ABLIM2: variants seen among roughly 807,000 people sequenced by gnomAD.
ABLIM2 encodes the protein actin-binding LIM protein 2.
Under a neutral mutation model 97.7 loss-of-function variants are expected in ABLIM2, and 53 were observed. The ratio of observed to expected loss-of-function variants is 0.54; its 90% CI spans 0.44 to 0.68. ABLIM2 has a LOEUF of 0.68. ABLIM2 is among the 30% of genes least tolerant of loss of function. The pLI is 0.00. For synonymous variants in ABLIM2, 361 were observed against 345.8 expected (o/e 1.04, Z -0.49); for missense variants, 835 against 867.2 (o/e 0.96, Z 0.47).
At chr4:8,051,056 T>C (rs1795683151) in intron 8 of ABLIM2, among the ~76,000 whole-genome samples, 1 of 152,216 alleles carries the variant, frequency 6.6e-6, no homozygotes, top group Non-Finnish European at 1.5e-5. Context: ...CGGGCTGGCA[T>C]CAGTGGGGAC....
At position 8,083,320 on chromosome 4, in the gene ABLIM2, T is replaced by C. The variant is rs1044368010; in HGVS notation, c.455-2518A>G. On this transcript the variant is annotated intron_variant, in intron 4 of 20. Coordinates refer to ENST00000447017, the MANE Select transcript of ABLIM2 (RefSeq NM_001130083.2). This position sits in a 1 kb window ranked among gnomAD's most constrained non-coding sequence, Gnocchi z 4.6. ...CTGGAATGAGGGCACGTGTGATCCG[T>C]GAATAAATGCACACACGTTGACCGG... Among the ~76,000 whole-genome samples, 10 of 152,246 alleles carry C rather than the reference T, an allele frequency of 6.6e-5. No homozygotes were observed. Among genetic ancestry groups the C allele is most frequent in the African/African-American group, 1.9e-4 (8 of 41,542 alleles).
At chr4:8,047,616 A>C (rs2151828147) in intron 8 of ABLIM2, among the ~76,000 whole-genome samples, 1 of 152,376 alleles carries the variant, frequency 6.6e-6, no homozygotes, top group South Asian at 2.1e-4. Flanking sequence ...TATGTGACAT[A>C]GGATCTGCTG....
At chr4:8,093,381 G>A (rs1829887589) in intron 3 of ABLIM2, among the ~76,000 whole-genome samples, 1 of 152,108 alleles carries the variant, frequency 6.6e-6, no homozygotes, top group Non-Finnish European at 1.5e-5. Flanking sequence ...AGTTTATTTT[G>A]GTGCAGATTG....
chr4:8,064,790 C>A (rs1219872110), intron 6 of ABLIM2, among the ~76,000 whole-genome samples: 2 of 152,142 alleles, frequency 1.3e-5, no homozygotes, highest in Admixed American at 1.3e-4. Context: ...GGGCACCAGA[C>A]CTGTTCTCTT....
intron 17 of ABLIM2, among the ~76,000 whole-genome samples, chr4:7,987,833 G>A (rs1385533191): frequency 6.6e-6 from 1 of 152,108 alleles, no homozygotes; most frequent in Non-Finnish European, 1.5e-5. Flanking sequence ...GGTGTGCAAG[G>A]CCTCTAAGGT....
rs554288681 is a variant in ABLIM2, at chr4:8,065,391, A to G, written c.676-4337T>C. ...AAATTGCAAATCAAAACCATAGGAG[A>G]CACCACTTCATACCCATGAGGGTAG... On this transcript the variant is annotated intron_variant, in intron 6 of 20. Coordinates refer to ENST00000447017, the MANE Select transcript of ABLIM2 (RefSeq NM_001130083.2). 5.3e-5 allele frequency among the ~76,000 whole-genome samples: 8 copies of G among 152,342 alleles called. No homozygotes were observed. In the East Asian group the frequency reaches 1.4e-3, roughly 26 times the overall value.
At chr4:7,972,033 A>G (rs1219083153) in intron 20 of ABLIM2, among the ~76,000 whole-genome samples, 1 of 152,128 alleles carries the variant, frequency 6.6e-6, no homozygotes. Flanking sequence ...AGTCTTGCTT[A>G]AGCCGGGCCC....
At chr4:8,106,399 C>T (rs1158056967) in intron 2 of ABLIM2, 95 bp downstream of exon 2, 20 of 1,514,120 alleles carry the variant, frequency 1.3e-5, no homozygotes, top group Admixed American at 6.0e-5. Flanking sequence ...TATCCCAGGC[C>T]CAGGCAGAGC....
rs1287125331 is a variant in ABLIM2 at position 8,122,237 on chromosome 4, A to G, written c.11-15600T>C. Among the ~76,000 whole-genome samples, 2 of 152,072 alleles carry G rather than the reference A, an allele frequency of 1.3e-5. No homozygotes were observed. The highest frequency in any genetic ancestry group is 4.2e-4 in the South Asian group (2 of 4,812). ...GTCTCGCTGCCCCCTGTGCATCTCC[A>G]TCATATCCGAATGGCCTGGTAAGGA... On this transcript the variant is annotated intron_variant, in intron 1 of 20. Transcript: ENST00000447017. This position sits in a 1 kb window ranked among gnomAD's most constrained non-coding sequence, Gnocchi z 4.1.
At position 8,127,068 on chromosome 4, in the gene ABLIM2, GA is replaced by G. The variant is rs534244270; in HGVS notation, c.11-20432del. Reference sequence around the variant, plus strand: ...GTGACAGAGTGAGTCCCTGCCTCCAGAAAAAAAAAAAAAAAATGCCTGCAGA... The same window carrying G: ...GTGACAGAGTGAGTCCCTGCCTCCAGAAAAAAAAAAAAAAATGCCTGCAGA... On this transcript the variant is annotated intron_variant, in intron 1 of 20. Transcript: ENST00000447017. The surrounding 1 kb of genome is among the most constrained non-coding windows in gnomAD (Gnocchi z 7.3). 0.24 allele frequency among the ~76,000 whole-genome samples: 27,359 copies of G among 115,944 alleles called. 2,605 individuals are homozygous for G. The highest frequency in any genetic ancestry group is 0.27 in the African/African-American group (8,769 of 32,550). 76.1% of individuals were successfully genotyped at this position (115,944 alleles called of 152,430 possible).
intron 1 of ABLIM2, among the ~76,000 whole-genome samples, chr4:8,115,900 G>C (rs973254279): frequency 1.3e-5 from 2 of 152,120 alleles, no homozygotes; most frequent in African/African-American, 2.4e-5. Flanking sequence ...GGAACCCGGC[G>C]GCCATGCTGG....
intron 2 of ABLIM2, among the ~76,000 whole-genome samples, chr4:8,099,308 G>A (rs144077151): frequency 6.6e-6 from 1 of 152,336 alleles, no homozygotes; most frequent in Non-Finnish European, 1.5e-5. Flanking sequence ...TGGTGACTGG[G>A]CTCACAGCAC....
chr4:8,022,900 T>TCTCCTCTTCTTCCTC lies in ABLIM2; in HGVS notation c.1268-2612_1268-2598dup, dbSNP rs1774750376. 6.5e-6 allele frequency: 1 copy of TCTCCTCTTCTTCCTC among 153,150 alleles called. No individual in the cohort carries two copies. The highest frequency in any genetic ancestry group is 6.6e-5 in the Admixed American group (1 of 15,258). The allele number at this position is 153,150 out of a possible 1,614,324, so 9.5% of individuals were successfully genotyped here. On this transcript the variant is annotated intron_variant, in intron 12 of 20. Coordinates refer to ENST00000447017, the MANE Select transcript of ABLIM2 (RefSeq NM_001130083.2). The surrounding 1 kb of genome is among the most constrained non-coding windows in gnomAD (Gnocchi z 7.8). ...TTCAGCCCTTTCGAAAAGTCTTCCTTCTCCTCTTCTTCCTCCTCCACTTTT... is the reference window on the plus strand; with the variant it reads ...TTCAGCCCTTTCGAAAAGTCTTCCTTCTCCTCTTCTTCCTCCTCCTCTTCTTCCTCCTCCACTTTT...
rs1578556501 is a variant in ABLIM2, at chr4:8,010,247, T to C, written c.1424-1145A>G. Among the ~76,000 whole-genome samples, 3 of 152,292 alleles carry C rather than the reference T, an allele frequency of 2.0e-5. No individual in the cohort carries two copies. In the South Asian group the frequency reaches 6.2e-4, roughly 32 times the overall value. ...TTCCAGCGAAGAATGAGCAAATAAATCACACAAGGCCATGCTGACATTTCT... is the reference window on the plus strand; with the variant it reads ...TTCCAGCGAAGAATGAGCAAATAAACCACACAAGGCCATGCTGACATTTCT... On this transcript the variant is annotated intron_variant, in intron 14 of 20. Transcript: ENST00000447017.
chr4:8,088,373 T>TG, intron 3 of ABLIM2, 89 bp from the exon 4 acceptor site: 1 of 983,524 alleles, frequency 1.0e-6, no homozygotes, highest in Middle Eastern at 2.1e-4. Flanking sequence ...CCAGGGCCAA[T>TG]GTCTCCCCAG....
intron 17 of ABLIM2, 22 bp from the exon 18 acceptor site, chr4:7,984,915 G>C (rs758987533): frequency 1.2e-6 from 2 of 1,606,174 alleles, no homozygotes; most frequent in East Asian, 4.5e-5. Flanking sequence ...AGAGAGGTTG[G>C]GCGGCAAGAG....
intron 2 of ABLIM2, among the ~76,000 whole-genome samples, chr4:8,100,957 T>C (rs900103193): frequency 1.3e-5 from 2 of 152,046 alleles, no homozygotes; most frequent in Non-Finnish European, 2.9e-5. Context: ...ACACACTAAA[T>C]TGAAGCGAAC....
At position 7,991,562 on chromosome 4, in the gene ABLIM2, A is replaced by G. The variant is rs376081990; in HGVS notation, c.1680+1304T>C. Among the ~76,000 whole-genome samples, 121 of 152,350 alleles carry G rather than the reference A, an allele frequency of 7.9e-4. 2 individuals are homozygous for G. The highest frequency in any genetic ancestry group is 2.7e-3 in the African/African-American group (111 of 41,578). The stretch of plus-strand genomic sequence containing the variant: ...TTGGTGTCGTAGGAGTCCTGTGGAC[A>G]TTGGTCCAGCTCTCTTATCTCCCCT... On this transcript the variant is annotated intron_variant, in intron 17 of 20. Coordinates refer to ENST00000447017, the MANE Select transcript of ABLIM2 (RefSeq NM_001130083.2).
chr4:8,071,781 T>C lies in ABLIM2; in HGVS notation c.675+5847A>G, dbSNP rs1456217350. Reference sequence around the variant, plus strand: ...CCAGGTTTCCTACCTGCACAGCTTCTGGGCACCAGAGCCCAGTCTGACGGC... The same window carrying C: ...CCAGGTTTCCTACCTGCACAGCTTCCGGGCACCAGAGCCCAGTCTGACGGC... On this transcript the variant is annotated intron_variant, in intron 6 of 20. Coordinates refer to ENST00000447017, the MANE Select transcript of ABLIM2 (RefSeq NM_001130083.2). The surrounding 1 kb of genome is among the most constrained non-coding windows in gnomAD (Gnocchi z 6.2). The C allele has an allele frequency of 3.0e-6, 3 of 984,104 alleles. No individual in the cohort carries two copies. Among genetic ancestry groups the C allele is most frequent in the Non-Finnish European group, 2.4e-6 (2 of 829,592 alleles). 61.0% of individuals were successfully genotyped at this position (984,104 alleles called of 1,614,324 possible).
Sources: allele counts gnomAD v4.1 joint callset (sites outside exome capture counted in the v4.1 genomes callset), GRCh38; gene constraint gnomAD v4.1.1; non-coding constraint Gnocchi (gnomAD v3.1); transcripts MANE v1.5; gene names NCBI Gene and HGNC (gene_info 2026-07-23, HGNC 2026-07-21).